The following AGO2 variants were observed in gnomAD, a reference collection of about 807,000 sequenced individuals.
AGO2 encodes the protein argonaute RISC catalytic component 2, also known as protein argonaute-2.
AGO2 carries 5 observed loss-of-function variants against 102.3 expected under a neutral mutation model. The ratio of observed to expected loss-of-function variants is 0.05; its 90% CI spans 0.03 to 0.10. The LOEUF is 0.10. Among genes scored for constraint, AGO2 ranks in the 10% least tolerant of loss-of-function variants. The probability of loss-of-function intolerance (pLI) is 1.00; values close to 1 mark genes in which losing one functional copy is unlikely to be tolerated. For synonymous variants in AGO2, 449 were observed against 473.1 expected (o/e 0.95, Z 0.66); for missense variants, 541 against 1,183.7 (o/e 0.46, Z 7.97).
At chr8:140,608,344 C>T (rs902203254) in intron 1 of AGO2, among the ~76,000 whole-genome samples, 8 of 152,238 alleles carry the variant, frequency 5.3e-5, no homozygotes, top group African/African-American at 1.9e-4. Flanking sequence ...GCCACTTTCC[C>T]TGGTCTCCTT....
chr8:140,574,782 C>G (rs1008632590), intron 2 of AGO2, among the ~76,000 whole-genome samples: 2 of 151,866 alleles, frequency 1.3e-5, no homozygotes, highest in Admixed American at 1.3e-4. Flanking sequence ...AGTCCACCAG[C>G]AGGGTAAGGT....
At chr8:140,588,848 C>T (rs62529971) in intron 1 of AGO2, among the ~76,000 whole-genome samples, 12,343 of 152,282 alleles carry the variant, frequency 0.081, 567 homozygotes, top group Non-Finnish European at 0.11. Context: ...GGGCAAGGCC[C>T]GGAACCCAGC....
chr8:140,525,531 G>GC lies in AGO2; in HGVS notation c.*6512_*6513insG, dbSNP rs1236570237. ...ACTGCAAAGGACACTTAGCTCTTCC[G>GC]GAATGAAAGCACGCAACGCAGCATA... On this transcript the variant is annotated 3_prime_UTR_variant, in exon 19 of 19. Coordinates refer to ENST00000220592, the MANE Select transcript of AGO2 (RefSeq NM_012154.5). 1 of 152,270 alleles carries GC rather than the reference G, an allele frequency of 6.6e-6. No homozygotes were observed. Among genetic ancestry groups the GC allele is most frequent in the Non-Finnish European group, 1.5e-5 (1 of 68,094 alleles). The allele number at this position is 152,270 out of a possible 1,614,324, so 9.4% of individuals were successfully genotyped here.
chr8:140,575,930 T>A (rs907154315), intron 2 of AGO2, among the ~76,000 whole-genome samples: 1 of 152,060 alleles, frequency 6.6e-6, no homozygotes, highest in Non-Finnish European at 1.5e-5. Context: ...CTAAGAAATG[T>A]CCCTAAAGGA....
At chr8:140,541,430 T>G in intron 14 of AGO2, 72 bp from the exon 15 acceptor site, 1 of 1,393,190 alleles carries the variant, frequency 7.2e-7, no homozygotes, top group South Asian at 1.4e-5. Flanking sequence ...GCCTGGACTC[T>G]CGGGAAGATG....
intron 1 of AGO2, among the ~76,000 whole-genome samples, chr8:140,617,304 G>A (rs1388947346): frequency 1.3e-5 from 2 of 151,974 alleles, no homozygotes; most frequent in East Asian, 3.9e-4. Context: ...TGTCGCCCAG[G>A]CTGGGGTGCA....
At chr8:140,639,084 G>C (rs909410019), upstream of AGO2, among the ~76,000 whole-genome samples, 1 of 152,096 alleles carries the variant, frequency 6.6e-6, no homozygotes, top group African/African-American at 2.4e-5. Context: ...GTCCAGGCTG[G>C]TTTCAAATTC....
intron 1 of AGO2, among the ~76,000 whole-genome samples, chr8:140,610,657 C>T (rs566315360): frequency 3.7e-4 from 57 of 152,366 alleles, no homozygotes; most frequent in African/African-American, 1.3e-3. Context: ...ATACCCACAG[C>T]CCAAAAGAGA....
intron 1 of AGO2, among the ~76,000 whole-genome samples, chr8:140,599,244 G>C (rs535193604): frequency 2.2e-4 from 33 of 152,304 alleles, no homozygotes; most frequent in African/African-American, 7.7e-4. Flanking sequence ...CTGAGCGTCC[G>C]TTATGTGGTG....
chr8:140,561,817 T>A (rs11775973), intron 4 of AGO2, among the ~76,000 whole-genome samples: 1 of 152,066 alleles, frequency 6.6e-6, no homozygotes, highest in African/African-American at 2.4e-5. Context: ...GAGATGAAAC[T>A]TGAAAACTCA....
At chr8:140,627,990 GC>G (rs2074296780) in intron 1 of AGO2, among the ~76,000 whole-genome samples, 1 of 152,300 alleles carries the variant, frequency 6.6e-6, no homozygotes, top group African/African-American at 2.4e-5. Context: ...CCAGGAGGAT[GC>G]TCCCTGGAGC....
intron 16 of AGO2, among the ~76,000 whole-genome samples, chr8:140,536,964 G>C (rs1362944927): frequency 6.6e-6 from 1 of 152,096 alleles, no homozygotes; most frequent in Non-Finnish European, 1.5e-5. Flanking sequence ...ATCTACAGAC[G>C]GCACTGTTTC....
chr8:140,543,366 C>A (rs1478740727), intron 14 of AGO2, among the ~76,000 whole-genome samples: 1 of 152,186 alleles, frequency 6.6e-6, no homozygotes, highest in Non-Finnish European at 1.5e-5. Context: ...GCTTTTCTTC[C>A]ACCTGGGGCA....
rs1302148258 is a variant in AGO2, at chr8:140,557,336, G to A, written c.879-100C>T. 5 of 1,420,448 alleles carry A rather than the reference G, an allele frequency of 3.5e-6. No individual in the cohort carries two copies. Among genetic ancestry groups the A allele is most frequent in the East Asian group, 2.4e-5 (1 of 41,688 alleles). 88.0% of individuals were successfully genotyped at this position (1,420,448 alleles called of 1,614,324 possible). ...TGCTTTTTAGGGTGACGTGTGAGGA[G>A]CAAACATTCAGAGCACTTCCGGGAG... On this transcript the variant is annotated intron_variant, in intron 7 of 18. Coordinates refer to ENST00000220592, the MANE Select transcript of AGO2 (RefSeq NM_012154.5). This position sits in a 1 kb window ranked among gnomAD's most constrained non-coding sequence, Gnocchi z 5.9.
intron 7 of AGO2, among the ~76,000 whole-genome samples, chr8:140,558,072 A>AC (rs979049743): frequency 6.0e-5 from 9 of 150,590 alleles, no homozygotes; most frequent in African/African-American, 1.2e-4. Flanking sequence ...GTGCACTCTC[A>AC]CCCCCCACTC....
chr8:140,549,173 T>C lies in AGO2; in HGVS notation c.1529A>G (p.Asn510Ser). 1 of 1,613,526 alleles carries C rather than the reference T, an allele frequency of 6.2e-7. No individual in the cohort carries two copies. Among genetic ancestry groups the C allele is most frequent in the Non-Finnish European group, 8.5e-7 (1 of 1,179,834 alleles). Reference sequence around the variant, plus strand: ...CACCAGCTGCAGGCCCGCATACGTGTTCTTCAGGTGCCGGAACATGGGCTC... The same window carrying C: ...CACCAGCTGCAGGCCCGCATACGTGCTCTTCAGGTGCCGGAACATGGGCTC... Reference protein sequence around the residue: ...SVEPMFRHLKNTYAGLQLVVV... With the variant: ...SVEPMFRHLKSTYAGLQLVVV... Residue 510 changes from asparagine (N) to serine (S), a missense_variant, in exon 12 of 19, where the codon AAC becomes AGC. Coordinates refer to ENST00000220592, the MANE Select transcript of AGO2 (RefSeq NM_012154.5).
chr8:140,621,959 TG>T (rs1209521560), intron 1 of AGO2, among the ~76,000 whole-genome samples: 3 of 152,256 alleles, frequency 2.0e-5, no homozygotes, highest in Non-Finnish European at 1.5e-5. Context: ...CAGGAAAACT[TG>T]TACACAAATG....
At chr8:140,602,213 G>T (rs2073943176) in intron 1 of AGO2, among the ~76,000 whole-genome samples, 1 of 152,134 alleles carries the variant, frequency 6.6e-6, no homozygotes, top group African/African-American at 2.4e-5. Flanking sequence ...TAAATATCAT[G>T]AAGGGAAAAT....
At chr8:140,562,682 A>G (rs2073222944) in intron 3 of AGO2, 48 bp from the exon 4 acceptor site, 1 of 1,580,920 alleles carries the variant, frequency 6.3e-7, no homozygotes, top group Non-Finnish European at 8.6e-7. Context: ...GCGAAGCCCC[A>G]GGGAGGACGC....
Sources: gnomAD v4.1 joint callset for allele counts (sites outside exome capture counted in the v4.1 genomes callset) on GRCh38, gnomAD v4.1.1 for gene constraint, Gnocchi (gnomAD v3.1) non-coding constraint, MANE v1.5 for transcripts, NCBI Gene and HGNC (gene_info 2026-07-23, HGNC 2026-07-21) for gene names.